ANKS1B: variants seen among roughly 807,000 people sequenced by gnomAD.
ANKS1B encodes the protein ankyrin repeat and sterile alpha motif domain containing 1B.
Under a neutral mutation model 148.3 loss-of-function variants are expected in ANKS1B, and 36 were observed. That is an observed-to-expected ratio of 0.24 (90% CI 0.19 to 0.32). The LOEUF (loss-of-function observed/expected upper bound fraction) is 0.32. Among genes scored for constraint, ANKS1B ranks in the 10% least tolerant of loss-of-function variants. The pLI, the probability that ANKS1B is intolerant of heterozygous loss-of-function variation, is 1.00. For synonymous variants in ANKS1B, 542 were observed against 560.8 expected (o/e 0.97, Z 0.47); for missense variants, 1,157 against 1,542.6 (o/e 0.75, Z 4.19).
chr12:99,677,864 T>C (rs1372076727), intron 8 of ANKS1B, among the ~76,000 whole-genome samples: 1 of 152,122 alleles, frequency 6.6e-6, no homozygotes, highest in Non-Finnish European at 1.5e-5. Context: ...TCCCAGCTAC[T>C]CGGGAGGCTG....
At chr12:99,427,766 C>T (rs1162602052) in intron 11 of ANKS1B, among the ~76,000 whole-genome samples, 1 of 152,126 alleles carries the variant, frequency 6.6e-6, no homozygotes, top group Admixed American at 6.6e-5. Context: ...TGAATAAGGG[C>T]ATCTCAGTGA....
At chr12:98,747,741 T>A (rs1328910432) in intron 26 of ANKS1B, among the ~76,000 whole-genome samples, 1 of 152,210 alleles carries the variant, frequency 6.6e-6, no homozygotes, top group African/African-American at 2.4e-5. Flanking sequence ...AAAGAAAATG[T>A]GGTATATATA....
At chr12:99,639,223 G>A (rs923866313) in intron 9 of ANKS1B, among the ~76,000 whole-genome samples, 1 of 152,176 alleles carries the variant, frequency 6.6e-6, no homozygotes, top group Non-Finnish European at 1.5e-5. Flanking sequence ...ACTTGCACGG[G>A]GCCTGTAGCC....
At chr12:98,775,415 C>T (rs2098661476) in intron 24 of ANKS1B, among the ~76,000 whole-genome samples, 1 of 151,900 alleles carries the variant, frequency 6.6e-6, no homozygotes, top group Admixed American at 6.6e-5. Context: ...CTTTGCTGAC[C>T]CCTGAATTTT....
In ANKS1B at chr12:99,498,620, T is replaced by A. The variant is rs1000713142; in HGVS notation, c.1438+5856A>T. Reference sequence around the variant, plus strand: ...TTAATTTTAACACATTCTAAGCTCCTAAAGGTCAACACTTATACCTTTTGC... The same window carrying A: ...TTAATTTTAACACATTCTAAGCTCCAAAAGGTCAACACTTATACCTTTTGC... On this transcript the variant is annotated intron_variant, in intron 10 of 26. Coordinates refer to ENST00000683438, the MANE Select transcript of ANKS1B (RefSeq NM_001352186.2). Among the ~76,000 whole-genome samples, 8 of 152,178 alleles carry A rather than the reference T, an allele frequency of 5.3e-5. No homozygotes were observed. The South Asian group carries it at 1.7e-3, about 31-fold the overall frequency.
At chr12:99,414,680 C>CAGGGGGTG (rs2094835671) in intron 11 of ANKS1B, among the ~76,000 whole-genome samples, 1 of 151,980 alleles carries the variant, frequency 6.6e-6, no homozygotes, top group African/African-American at 2.4e-5. Flanking sequence ...GGGGCCTGTC[C>CAGGGGGTG]AGGGGGTGAG....
intron 17 of ANKS1B, among the ~76,000 whole-genome samples, chr12:98,903,473 T>C (rs954870014): frequency 1.3e-5 from 2 of 152,166 alleles, no homozygotes; most frequent in Admixed American, 6.5e-5. Flanking sequence ...CTTCTGATGA[T>C]GAGCTTGGTA....
chr12:99,478,250 T>A (rs2096357180), intron 10 of ANKS1B, among the ~76,000 whole-genome samples: 1 of 152,130 alleles, frequency 6.6e-6, no homozygotes, highest in African/African-American at 2.4e-5. Context: ...TTCCTCATGG[T>A]TACATGTTTT....
At chr12:99,941,546 T>C (rs1027981324) in intron 1 of ANKS1B, among the ~76,000 whole-genome samples, 4 of 152,208 alleles carry the variant, frequency 2.6e-5, no homozygotes, top group South Asian at 4.1e-4. Context: ...CAAACATCTT[T>C]TGAGCAACTA....
At chr12:99,514,720 T>A (rs1261544103) in intron 9 of ANKS1B, among the ~76,000 whole-genome samples, 1 of 152,098 alleles carries the variant, frequency 6.6e-6, no homozygotes, top group East Asian at 1.9e-4. Flanking sequence ...TTGCCAGAAC[T>A]AAGGGAAAGA....
chr12:98,796,540 A>C (rs2098951242), intron 22 of ANKS1B, among the ~76,000 whole-genome samples: 2 of 152,206 alleles, frequency 1.3e-5, no homozygotes, highest in Non-Finnish European at 2.9e-5. Context: ...GTTCTAATTC[A>C]CAATAGAATA....
chr12:99,688,734 A>G (rs1009790938), intron 8 of ANKS1B, among the ~76,000 whole-genome samples: 2 of 152,226 alleles, frequency 1.3e-5, no homozygotes, highest in Admixed American at 6.5e-5. Flanking sequence ...AGAACTACTT[A>G]GAAGGCTGAG....
intron 2 of ANKS1B, among the ~76,000 whole-genome samples, chr12:99,816,074 C>A (rs1342380694): frequency 6.6e-6 from 1 of 151,722 alleles, no homozygotes; most frequent in Non-Finnish European, 1.5e-5. Flanking sequence ...TTTTCTATAG[C>A]AGTTGTGCTA....
Position 99,154,535 on chromosome 12 carries a change from A to G in ANKS1B, c.2420-140T>C, listed in dbSNP as rs564733503. 3.8e-6 allele frequency: 6 copies of G among 1,592,424 alleles called. No individual in the cohort carries two copies. In the South Asian group the frequency reaches 6.8e-5, roughly 18 times the overall value. On this transcript the variant is annotated intron_variant, in intron 14 of 26. Coordinates refer to ENST00000683438, the MANE Select transcript of ANKS1B (RefSeq NM_001352186.2). ...TATCAAAGGAGCCCGCCAGCTTGAC[A>G]GATTAATGTTCTCAGCGAGAGAGCA...
rs140607967 is a variant in ANKS1B, at chr12:99,660,652, C to A, written c.1129-5442G>T. Among the ~76,000 whole-genome samples, 12 of 152,232 alleles carry A rather than the reference C, an allele frequency of 7.9e-5. No individual in the cohort carries two copies. In the South Asian group the frequency reaches 2.5e-3, roughly 32 times the overall value. On this transcript the variant is annotated intron_variant, in intron 8 of 26. Transcript: ENST00000683438. ...TGCTGAGATTACAAGCATGGGCCAC[C>A]GTGCCTGGCCTAAACTTTCTAAGTA...
At chr12:99,143,850 G>T (rs185958297) in intron 15 of ANKS1B, among the ~76,000 whole-genome samples, 1 of 151,936 alleles carries the variant, frequency 6.6e-6, no homozygotes, top group African/African-American at 2.4e-5. Flanking sequence ...GAATGCTCAC[G>T]CTACTTTTGT....
At chr12:99,207,933 C>G (rs2082882443) in intron 14 of ANKS1B, among the ~76,000 whole-genome samples, 1 of 151,884 alleles carries the variant, frequency 6.6e-6, no homozygotes, top group Non-Finnish European at 1.5e-5. Flanking sequence ...GGTGATCAAG[C>G]TGGCTAAAAT....
intron 8 of ANKS1B, among the ~76,000 whole-genome samples, chr12:99,735,323 T>C (rs1604176): frequency 0.44 from 66,290 of 151,846 alleles, 14,867 homozygotes; most frequent in South Asian, 0.61. Flanking sequence ...ATCAACGAAA[T>C]GAAAAGTTGG....
intron 22 of ANKS1B, among the ~76,000 whole-genome samples, chr12:98,784,954 G>C (rs1048074023): frequency 2.0e-5 from 3 of 152,226 alleles, no homozygotes. Flanking sequence ...TCTCTCCACT[G>C]AGTCATTTGA....
Sources: gnomAD v4.1 joint callset for allele counts (sites outside exome capture counted in the v4.1 genomes callset) on GRCh38, gnomAD v4.1.1 for gene constraint, MANE v1.5 for transcripts, NCBI Gene and HGNC (gene_info 2026-07-23, HGNC 2026-07-21) for gene names.